The following MYO1D variants were observed in gnomAD, a reference collection of about 807,000 sequenced individuals.
MYO1D encodes myosin ID.
Under a neutral mutation model 122.0 loss-of-function variants are expected in MYO1D, and 83 were observed. The observed-to-expected ratio is 0.68, with a 90% CI of 0.57 to 0.82. The LOEUF is 0.82. Ranked by LOEUF, MYO1D falls within the 40% of genes least tolerant of loss-of-function variation. MYO1D has a pLI of 0.00. For synonymous variants in MYO1D, 464 were observed against 446.9 expected (o/e 1.04, Z -0.48); for missense variants, 1,157 against 1,269.5 (o/e 0.91, Z 1.35).
chr17:32,781,734 CAAAAAAA>C lies in MYO1D; in HGVS notation c.96-957_96-951del, dbSNP rs35583086. On this transcript the variant is annotated intron_variant, in intron 1 of 21. Transcript: ENST00000318217. ...GGGCAGGTGAGAAGAGGCCACAGGA[CAAAAAAA>C]AAAAAAAAAATACAAAGCTTGAGTA... is the stretch of plus-strand genomic sequence containing the variant. Among the ~76,000 whole-genome samples, 13 of 108,358 alleles carry C rather than the reference CAAAAAAA, an allele frequency of 1.2e-4. 1 individual carries two copies. The highest frequency in any genetic ancestry group is 8.9e-4 in the Admixed American group (9 of 10,082). The allele number at this position is 108,358 out of a possible 152,430, so 71.1% of individuals were successfully genotyped here.
chr17:32,825,962 T>C (rs1208330007), intron 1 of MYO1D, among the ~76,000 whole-genome samples: 1 of 150,972 alleles, frequency 6.6e-6, no homozygotes, highest in Admixed American at 6.6e-5. Context: ...GGCAGGAGGA[T>C]TGCCTCAGCC....
At chr17:32,681,940 T>C (rs1462837588) in intron 16 of MYO1D, among the ~76,000 whole-genome samples, 1 of 135,682 alleles carries the variant, frequency 7.4e-6, no homozygotes, top group East Asian at 2.1e-4. Flanking sequence ...TGCTCCTGTA[T>C]TGGGTGCATA....
At chr17:32,861,620 G>C (rs1029499422) in intron 1 of MYO1D, among the ~76,000 whole-genome samples, 1 of 152,106 alleles carries the variant, frequency 6.6e-6, no homozygotes. Context: ...TGTGGTCCCT[G>C]ATGAGTGCTC....
At chr17:32,599,107 A>G (rs766660876) in intron 21 of MYO1D, among the ~76,000 whole-genome samples, 4 of 152,212 alleles carry the variant, frequency 2.6e-5, no homozygotes, top group Admixed American at 6.5e-5. Flanking sequence ...ATTTCTCTAT[A>G]GCATGCGGTG....
chr17:32,820,563 A>G (rs1567657830), intron 1 of MYO1D, among the ~76,000 whole-genome samples: 1 of 152,212 alleles, frequency 6.6e-6, no homozygotes, highest in Non-Finnish European at 1.5e-5. Context: ...TACAATATGG[A>G]ATCTAAAAAG....
chr17:32,787,122 C>T (rs2151033591), intron 1 of MYO1D, among the ~76,000 whole-genome samples: 2 of 149,398 alleles, frequency 1.3e-5, no homozygotes, highest in Middle Eastern at 3.4e-3. Context: ...TAGAAGAGCT[C>T]AAGAAAAAAA....
At chr17:32,585,479 G>T (rs1422315715) in intron 21 of MYO1D, among the ~76,000 whole-genome samples, 7 of 151,960 alleles carry the variant, frequency 4.6e-5, no homozygotes, top group African/African-American at 1.7e-4. Context: ...CCTGTAATCC[G>T]AGCACTTTGA....
chr17:32,842,863 ATTTGT>A (rs991652827), intron 1 of MYO1D, among the ~76,000 whole-genome samples: 1 of 147,522 alleles, frequency 6.8e-6, no homozygotes, highest in Admixed American at 6.8e-5. Context: ...TTATACTGTC[ATTTGT>A]TTTATTTCTA....
chr17:32,653,802 G>A (rs1462134745), intron 19 of MYO1D, 41 bp downstream of exon 19: 1 of 1,537,730 alleles, frequency 6.5e-7, no homozygotes, highest in Admixed American at 1.7e-5. Context: ...ATCTGAATCA[G>A]TCTTTCCTTT....
chr17:32,570,914 A>G (rs375198739), intron 21 of MYO1D, among the ~76,000 whole-genome samples: 1 of 152,216 alleles, frequency 6.6e-6, no homozygotes, highest in African/African-American at 2.4e-5. Flanking sequence ...CACCAAGCAC[A>G]CATGTCTGTT....
chr17:32,504,372 T>C (rs1222687654), intron 21 of MYO1D, among the ~76,000 whole-genome samples: 1 of 152,184 alleles, frequency 6.6e-6, no homozygotes, highest in African/African-American at 2.4e-5. Context: ...CAGTGACTCA[T>C]GGAGCGCCCA....
chr17:32,654,448 T>C (rs1393891765), intron 18 of MYO1D, 29 bp downstream of exon 18: 2 of 1,570,228 alleles, frequency 1.3e-6, no homozygotes, highest in Non-Finnish European at 1.7e-6. Flanking sequence ...GAAGTAGAAG[T>C]AGATTTCACT....
intron 20 of MYO1D, among the ~76,000 whole-genome samples, chr17:32,625,517 T>A (rs2087915961): frequency 6.6e-6 from 1 of 152,032 alleles, no homozygotes; most frequent in Non-Finnish European, 1.5e-5. Context: ...ACACATGCGA[T>A]GAATGTTAGT....
intron 20 of MYO1D, among the ~76,000 whole-genome samples, chr17:32,621,257 C>T (rs769483278): frequency 2.6e-5 from 4 of 152,124 alleles, no homozygotes; most frequent in Admixed American, 6.5e-5. Flanking sequence ...TCAGCCTGTA[C>T]GTATGAGCCT....
rs73981830 is a variant in MYO1D at position 32,553,982 on chromosome 17, T to G, written c.2864+51105A>C. 7.8e-3 allele frequency among the ~76,000 whole-genome samples: 1,182 copies of G among 152,270 alleles called. 21 individuals are homozygous for G. The highest frequency in any genetic ancestry group is 0.027 in the African/African-American group (1,105 of 41,542). The stretch of plus-strand genomic sequence containing the variant: ...TCATCTTCCATGCTCTTCCCCTCCT[T>G]TCTATGGCTCTGCCTCTGCCTCCCA... On this transcript the variant is annotated intron_variant, in intron 21 of 21. Coordinates refer to ENST00000318217, the MANE Select transcript of MYO1D (RefSeq NM_015194.3).
At chr17:32,801,418 G>C (rs967451635) in intron 1 of MYO1D, among the ~76,000 whole-genome samples, 1 of 152,228 alleles carries the variant, frequency 6.6e-6, no homozygotes, top group Non-Finnish European at 1.5e-5. Context: ...GGTGGGGCCA[G>C]GGTAAGGATT....
At chr17:32,839,168 C>A (rs1311391687) in intron 1 of MYO1D, among the ~76,000 whole-genome samples, 1 of 152,048 alleles carries the variant, frequency 6.6e-6, no homozygotes, top group Admixed American at 6.5e-5. Context: ...TAAAGGAAAG[C>A]AAAAGCAAAA....
intron 16 of MYO1D, among the ~76,000 whole-genome samples, chr17:32,666,686 T>C (rs1011136100): frequency 6.6e-6 from 1 of 152,238 alleles, no homozygotes. Flanking sequence ...TTTCCTTTTT[T>C]TCTCCTAGTT....
intron 1 of MYO1D, among the ~76,000 whole-genome samples, chr17:32,852,734 A>G (rs1349638425): frequency 2.0e-5 from 3 of 152,284 alleles, no homozygotes; most frequent in Middle Eastern, 6.8e-3. Context: ...ATATATTTCT[A>G]TATTTTTCAA....
Sources: gnomAD v4.1 joint callset for allele counts (sites outside exome capture counted in the v4.1 genomes callset) on GRCh38, gnomAD v4.1.1 for gene constraint, MANE v1.5 for transcripts, NCBI Gene and HGNC (gene_info 2026-07-23, HGNC 2026-07-21) for gene names.